GRID1: variants seen among roughly 807,000 people sequenced by gnomAD.
The protein encoded by GRID1 is glutamate receptor ionotropic, delta-1.
GRID1 carries 28 observed loss-of-function variants against 98.0 expected under a neutral mutation model. The observed-to-expected ratio is 0.29, with a 90% CI of 0.21 to 0.39. GRID1 has a LOEUF of 0.39. GRID1 is among the 10% of genes least tolerant of loss of function. The pLI is 1.00. For synonymous variants in GRID1, 553 were observed against 538.5 expected (o/e 1.03, Z -0.37); for missense variants, 1,111 against 1,340.5 (o/e 0.83, Z 2.67).
intron 7 of GRID1, among the ~76,000 whole-genome samples, chr10:85,855,748 T>A (rs1275324023): frequency 1.3e-5 from 2 of 152,224 alleles, no homozygotes; most frequent in Admixed American, 1.3e-4. Flanking sequence ...GGCAGCTGCC[T>A]CCATTTCATA....
chr10:86,008,220 G>C (rs1307109474), intron 4 of GRID1, among the ~76,000 whole-genome samples: 2 of 152,064 alleles, frequency 1.3e-5, no homozygotes, highest in Admixed American at 1.3e-4. Context: ...TAGGAAAGAA[G>C]GCAGGAACAG....
intron 3 of GRID1, among the ~76,000 whole-genome samples, chr10:86,155,424 T>C (rs1845230878): frequency 6.6e-6 from 1 of 152,244 alleles, no homozygotes; most frequent in Non-Finnish European, 1.5e-5. Context: ...CAGATTCAGA[T>C]TCTGAGTCAG....
intron 4 of GRID1, among the ~76,000 whole-genome samples, chr10:86,042,912 C>A (rs1843366914): frequency 6.6e-6 from 1 of 151,932 alleles, no homozygotes; most frequent in Non-Finnish European, 1.5e-5. Flanking sequence ...ATAGTAAGAC[C>A]CCATCTCTAC....
At chr10:85,667,585 G>T (rs530558835) in intron 12 of GRID1, among the ~76,000 whole-genome samples, 1 of 152,050 alleles carries the variant, frequency 6.6e-6, no homozygotes, top group Non-Finnish European at 1.5e-5. Context: ...ATTCAATATC[G>T]GATCCAGCAT....
chr10:85,964,002 G>A (rs1163018858), intron 4 of GRID1, among the ~76,000 whole-genome samples: 1 of 152,090 alleles, frequency 6.6e-6, no homozygotes, highest in African/African-American at 2.4e-5. Flanking sequence ...CAGACAAACA[G>A]AGAGCCAAAT....
chr10:86,171,436 A>T (rs1347001120), intron 3 of GRID1, among the ~76,000 whole-genome samples: 1 of 152,244 alleles, frequency 6.6e-6, no homozygotes, highest in Non-Finnish European at 1.5e-5. Context: ...GAGGTATTGA[A>T]GAAAGAGAGA....
chr10:86,197,227 G>A (rs765416197), intron 3 of GRID1, among the ~76,000 whole-genome samples: 5 of 152,256 alleles, frequency 3.3e-5, no homozygotes, highest in Middle Eastern at 3.4e-3. Context: ...GCAAAGCCCC[G>A]AAGGTGCAGC....
chr10:86,244,425 G>A (rs1279250497), intron 2 of GRID1, among the ~76,000 whole-genome samples: 1 of 152,260 alleles, frequency 6.6e-6, no homozygotes, highest in Non-Finnish European at 1.5e-5. Context: ...TGGATCTGAT[G>A]CTCCCGCCCT....
chr10:86,264,995 C>CA (rs1847082596), intron 2 of GRID1, among the ~76,000 whole-genome samples: 1 of 152,260 alleles, frequency 6.6e-6, no homozygotes, highest in Admixed American at 6.5e-5. Flanking sequence ...ACTTGCCCAG[C>CA]CTTTTCCTTC....
At chr10:85,849,314 G>A (rs957265567) in intron 8 of GRID1, among the ~76,000 whole-genome samples, 1 of 152,218 alleles carries the variant, frequency 6.6e-6, no homozygotes, top group Non-Finnish European at 1.5e-5. Flanking sequence ...ATTATCAGCA[G>A]ACACAAGGCT....
chr10:85,686,044 A>G (rs1841265380), intron 12 of GRID1, among the ~76,000 whole-genome samples: 1 of 152,170 alleles, frequency 6.6e-6, no homozygotes, highest in Non-Finnish European at 1.5e-5. Flanking sequence ...GATCTTGTTT[A>G]TGTGAAATAT....
chr10:86,214,328 A>C (rs988769327), intron 2 of GRID1, among the ~76,000 whole-genome samples: 1 of 152,162 alleles, frequency 6.6e-6, no homozygotes, highest in African/African-American at 2.4e-5. Context: ...CACTGCCTAA[A>C]GTACTTCTGC....
intron 2 of GRID1, among the ~76,000 whole-genome samples, chr10:86,362,366 AG>A (rs1249462424): frequency 6.6e-6 from 1 of 152,194 alleles, no homozygotes; most frequent in East Asian, 1.9e-4. Context: ...GTCCAGAGGC[AG>A]GGGGTGTCTG....
chr10:86,047,566 C>A (rs757846856), intron 4 of GRID1, among the ~76,000 whole-genome samples: 17 of 152,110 alleles, frequency 1.1e-4, no homozygotes, highest in Non-Finnish European at 2.1e-4. Context: ...CCTAACCCTG[C>A]CCTCTCCTTG....
chr10:85,694,314 C>CT (rs1348922572), intron 12 of GRID1, among the ~76,000 whole-genome samples: 1 of 151,876 alleles, frequency 6.6e-6, no homozygotes, highest in African/African-American at 2.4e-5. Flanking sequence ...CACTTATACA[C>CT]TGTTGGAAGG....
rs564945978 is a variant in GRID1, at chr10:85,627,272, T to C, written c.2194-7239A>G. Reference sequence around the variant, plus strand: ...GTGCAGACAAGTTGTTTAACATCTCTGAGTCTCAGTTCCACTGGATAAACT... The same window carrying C: ...GTGCAGACAAGTTGTTTAACATCTCCGAGTCTCAGTTCCACTGGATAAACT... On this transcript the variant is annotated intron_variant, in intron 13 of 15. Coordinates refer to ENST00000327946, the MANE Select transcript of GRID1 (RefSeq NM_017551.3). Among the ~76,000 whole-genome samples, 315 of 152,354 alleles carry C rather than the reference T, an allele frequency of 2.1e-3. 2 individuals carry two copies. The highest frequency in any genetic ancestry group is 8.9e-3 in the South Asian group (43 of 4,830).
In GRID1 at chr10:86,103,866, G is replaced by A. The variant is rs543004758; in HGVS notation, c.726+34953C>T. On this transcript the variant is annotated intron_variant, in intron 4 of 15. Transcript: ENST00000327946. Reference sequence around the variant, plus strand: ...TGTTGGGCTGAACCCTGCACATGGGGCAATCAATCAGTCATCCAGTGACAG... The same window carrying A: ...TGTTGGGCTGAACCCTGCACATGGGACAATCAATCAGTCATCCAGTGACAG... Among the ~76,000 whole-genome samples the A allele has an allele frequency of 7.9e-5, 12 of 152,282 alleles. No homozygotes were observed. The South Asian group carries it at 2.5e-3, about 32-fold the overall frequency.
intron 12 of GRID1, among the ~76,000 whole-genome samples, chr10:85,686,059 A>C (rs1380961351): frequency 1.3e-5 from 2 of 152,190 alleles, no homozygotes. Flanking sequence ...AAATATAAGA[A>C]GCTGATTTTC....
chr10:85,719,434 A>G (rs558459093), intron 12 of GRID1, among the ~76,000 whole-genome samples: 28 of 152,366 alleles, frequency 1.8e-4, no homozygotes, highest in African/African-American at 6.3e-4. Context: ...GGAACAAAAA[A>G]AAAGTTTTAA....
Sources: gnomAD v4.1 joint callset for allele counts (sites outside exome capture counted in the v4.1 genomes callset) on GRCh38, gnomAD v4.1.1 for gene constraint, MANE v1.5 for transcripts, NCBI Gene and HGNC (gene_info 2026-07-23, HGNC 2026-07-21) for gene names.